RAD23B: variants seen among roughly 807,000 people sequenced by gnomAD.
The protein encoded by RAD23B is lysine-specific demethylase RAD23B.
RAD23B carries 5 observed loss-of-function variants against 49.1 expected under a neutral mutation model. That is an observed-to-expected ratio of 0.10 (90% CI 0.05 to 0.21). The LOEUF is 0.21. Ranked by LOEUF, RAD23B falls within the 10% of genes least tolerant of loss-of-function variation. The probability of loss-of-function intolerance (pLI) is 1.00; values close to 1 mark genes in which losing one functional copy is unlikely to be tolerated. For missense variants in RAD23B, 356 were observed against 486.7 expected (o/e 0.73, Z 2.53); for synonymous variants, 184 against 165.4 (o/e 1.11, Z -0.86).
chr9:107,312,990 T>G (rs1427193073), intron 5 of RAD23B, among the ~76,000 whole-genome samples: 1 of 152,190 alleles, frequency 6.6e-6, no homozygotes, highest in East Asian at 1.9e-4. Context: ...GGTCTCGGGA[T>G]CCCTCTACAT....
chr9:107,309,225 G>A (rs1033791519), intron 4 of RAD23B, among the ~76,000 whole-genome samples: 1 of 152,136 alleles, frequency 6.6e-6, no homozygotes, highest in Non-Finnish European at 1.5e-5. Flanking sequence ...ATCTGGGAGT[G>A]GATCCCAGAA....
intron 2 of RAD23B, among the ~76,000 whole-genome samples, chr9:107,300,731 T>C (rs1210947282): frequency 2.6e-5 from 4 of 152,200 alleles, no homozygotes; most frequent in African/African-American, 9.6e-5. Context: ...GTAGGAATTA[T>C]ACATTTGACT....
chr9:107,311,430 A>G (rs1666171657), intron 4 of RAD23B, among the ~76,000 whole-genome samples: 1 of 152,124 alleles, frequency 6.6e-6, no homozygotes, highest in South Asian at 2.1e-4. Flanking sequence ...ATTATTTTAT[A>G]TATTTTGATA....
intron 1 of RAD23B, among the ~76,000 whole-genome samples, chr9:107,290,505 T>C (rs535485623): frequency 6.6e-6 from 1 of 152,348 alleles, no homozygotes; most frequent in African/African-American, 2.4e-5. Context: ...CTTGCTCTTT[T>C]CAGATCCACC....
chr9:107,306,070 T>TAGATATATATATATAA (rs1564245542), intron 3 of RAD23B, among the ~76,000 whole-genome samples: 1 of 114,560 alleles, frequency 8.7e-6, no homozygotes, highest in Non-Finnish European at 1.7e-5. Flanking sequence ...TATATATATA[T>TAGATATATATATATAA]ATCTATATAT....
At chr9:107,313,683 C>T (rs1204601053) in intron 5 of RAD23B, among the ~76,000 whole-genome samples, 1 of 152,180 alleles carries the variant, frequency 6.6e-6, no homozygotes, top group African/African-American at 2.4e-5. Flanking sequence ...TCCCTCTGAA[C>T]TCCCAAACTC....
chr9:107,288,849 G>GA (rs1211836307), intron 1 of RAD23B, among the ~76,000 whole-genome samples: 2 of 152,080 alleles, frequency 1.3e-5, no homozygotes, highest in Non-Finnish European at 2.9e-5. Context: ...TTTGGGTACT[G>GA]AAAAAAAGCC....
At chr9:107,288,616 T>A (rs1345517911) in intron 1 of RAD23B, among the ~76,000 whole-genome samples, 1 of 152,022 alleles carries the variant, frequency 6.6e-6, no homozygotes, top group East Asian at 1.9e-4. Flanking sequence ...TGGTTAATTT[T>A]TTTGTATTTT....
chr9:107,311,587 A>G, intron 4 of RAD23B, 95 bp from the exon 5 acceptor site: 1 of 819,864 alleles, frequency 1.2e-6, no homozygotes, highest in Non-Finnish European at 1.9e-6. Flanking sequence ...AATTAAAATC[A>G]AAGAATCTGT....
chr9:107,283,821 C>T, intron 1 of RAD23B, 126 bp downstream of exon 1: 1 of 974,424 alleles, frequency 1.0e-6, no homozygotes, highest in Non-Finnish European at 1.3e-6. Context: ...GCCCTGGGTC[C>T]TGGTGCCGGC....
chr9:107,307,873 A>G (rs1826810326), intron 4 of RAD23B, among the ~76,000 whole-genome samples: 1 of 152,178 alleles, frequency 6.6e-6, no homozygotes, highest in Non-Finnish European at 1.5e-5. Flanking sequence ...ATTCTATGAC[A>G]CCATTGCCTA....
At chr9:107,328,523 G>A (rs1204522147) in intron 9 of RAD23B, among the ~76,000 whole-genome samples, 4 of 152,228 alleles carry the variant, frequency 2.6e-5, no homozygotes, top group African/African-American at 7.2e-5. Context: ...ACAGTTCACA[G>A]TAGGGTTCAT....
chr9:107,294,398 T>TG (rs1285770249), intron 1 of RAD23B, among the ~76,000 whole-genome samples: 2 of 152,210 alleles, frequency 1.3e-5, no homozygotes, highest in Non-Finnish European at 2.9e-5. Context: ...GGTTATGTAC[T>TG]GGGACTGTGG....
chr9:107,301,998 A>G, intron 2 of RAD23B, 37 bp from the exon 3 acceptor site: 1 of 1,602,996 alleles, frequency 6.2e-7, no homozygotes, highest in East Asian at 2.2e-5. Context: ...GAGAAAGATT[A>G]TGCCTTAAAT....
chr9:107,283,894 G>A (rs1833214957), intron 1 of RAD23B, among the ~76,000 whole-genome samples, 199 bp downstream of exon 1: 1 of 152,184 alleles, frequency 6.6e-6, no homozygotes, highest in Non-Finnish European at 1.5e-5. Flanking sequence ...GCAGGAGAAT[G>A]GGGAAGCAGT....
intron 3 of RAD23B, among the ~76,000 whole-genome samples, chr9:107,303,099 A>G (rs1037221043): frequency 3.3e-5 from 5 of 152,228 alleles, no homozygotes; most frequent in African/African-American, 1.2e-4. Context: ...ATTTAAAGAT[A>G]TATAATGCAG....
At chr9:107,310,425 G>A (rs573576610) in intron 4 of RAD23B, among the ~76,000 whole-genome samples, 1 of 152,234 alleles carries the variant, frequency 6.6e-6, no homozygotes, top group South Asian at 2.1e-4. Flanking sequence ...CTTAATAAGA[G>A]CTTGATTTGG....
rs773992502 is a variant in RAD23B at position 107,324,978 on chromosome 9, C to G, written c.1090C>G (p.Pro364Ala). 1 of 1,613,286 alleles carries G rather than the reference C, an allele frequency of 6.2e-7. No individual in the cohort carries two copies. Among genetic ancestry groups the G allele is most frequent in the South Asian group, 1.1e-5 (1 of 91,028 alleles). The change falls in exon 9 of 10, where the codon CCT becomes GCT. Residue 364 changes from proline (P) to alanine (A), a missense_variant. Pro to Ala is a conservative substitution (Grantham distance 27). Transcript: ENST00000358015. ...TCATATGAACTACATTCAAGTAACA[C>G]CTCAGGAAAAAGAAGCTATAGAAAG... ...SGHMNYIQVT[P>A]QEKEAIERLK... is the part of the protein sequence containing the mutation.
At chr9:107,306,242 C>A in intron 3 of RAD23B, 137 bp from the exon 4 acceptor site, 1 of 775,544 alleles carries the variant, frequency 1.3e-6, no homozygotes, top group Non-Finnish European at 2.0e-6. Flanking sequence ...TTTATTGTGT[C>A]ATTTTACAAA....
Sources: gnomAD v4.1 joint callset for allele counts (sites outside exome capture counted in the v4.1 genomes callset) on GRCh38, gnomAD v4.1.1 for gene constraint, MANE v1.5 for transcripts, NCBI Gene and HGNC (gene_info 2026-07-23, HGNC 2026-07-21) for gene names.